The following UNC13C variants were observed in gnomAD, a reference collection of about 807,000 sequenced individuals.
UNC13C encodes unc-13 homolog C.
Under a neutral mutation model 245.4 loss-of-function variants are expected in UNC13C, and 174 were observed. That is an observed-to-expected ratio of 0.71 (90% CI 0.63 to 0.80). The LOEUF is 0.80. Ranked by LOEUF, UNC13C falls within the 30% of genes least tolerant of loss-of-function variation. The probability of loss-of-function intolerance (pLI) is 0.00; values close to 1 mark genes in which losing one functional copy is unlikely to be tolerated. For synonymous variants in UNC13C, 992 were observed against 895.1 expected, an observed-to-expected ratio of 1.11 and a Z score of -1.93; for missense variants, 2,829 against 2,602.9, an observed-to-expected ratio of 1.09 and a Z score of -1.89.
intron 2 of UNC13C, among the ~76,000 whole-genome samples, chr15:54,024,847 G>A (rs1419161755): frequency 5.3e-5 from 8 of 152,154 alleles, no homozygotes; most frequent in Admixed American, 3.9e-4. Context: ...CCCGGGAGGC[G>A]GCGCTTGCAG....
rs895575177 is a variant in UNC13C at position 54,218,446 on chromosome 15, A to G, written c.3072-16584A>G. Among the ~76,000 whole-genome samples the G allele has an allele frequency of 2.1e-4, 32 of 151,968 alleles. 1 individual carries two copies. The highest frequency in any genetic ancestry group is 2.0e-3 in the Admixed American group (31 of 15,214). On this transcript the variant is annotated intron_variant, in intron 4 of 32. Coordinates refer to ENST00000260323, the MANE Select transcript of UNC13C (RefSeq NM_001080534.3). ...AAGTAGGTGTTAGCATTTGCTACTCAGTGAGGAGGCCAGTACCAGTAGAGG... is the reference window on the plus strand; with the variant it reads ...AAGTAGGTGTTAGCATTTGCTACTCGGTGAGGAGGCCAGTACCAGTAGAGG...
intron 19 of UNC13C, among the ~76,000 whole-genome samples, chr15:54,442,924 C>A (rs1463453998): frequency 6.6e-6 from 1 of 151,934 alleles, no homozygotes; most frequent in Non-Finnish European, 1.5e-5. Context: ...GTAATTCTGG[C>A]CCCATAGAAT....
chr15:54,219,196 C>T (rs2035141802), intron 4 of UNC13C, among the ~76,000 whole-genome samples: 1 of 151,952 alleles, frequency 6.6e-6, no homozygotes, highest in African/African-American at 2.4e-5. Flanking sequence ...TGACTTCAAA[C>T]TATACTACAA....
intron 2 of UNC13C, among the ~76,000 whole-genome samples, chr15:54,047,075 T>A (rs925926637): frequency 2.0e-5 from 3 of 152,062 alleles, no homozygotes; most frequent in South Asian, 2.1e-4. Context: ...ATTTATTTTT[T>A]AAAAAGTTAC....
intron 24 of UNC13C, among the ~76,000 whole-genome samples, chr15:54,524,666 A>G (rs532381620): frequency 6.6e-6 from 1 of 152,180 alleles, no homozygotes; most frequent in African/African-American, 2.4e-5. Context: ...ATCGGCTCCC[A>G]GGAGTTTAAA....
chr15:54,092,577 T>C (rs1159729683), intron 2 of UNC13C, among the ~76,000 whole-genome samples: 2 of 152,194 alleles, frequency 1.3e-5, no homozygotes, highest in East Asian at 3.9e-4. Context: ...GGTCTGAACC[T>C]GACAAAATCT....
chr15:54,067,687 C>G (rs1375570607), intron 2 of UNC13C, among the ~76,000 whole-genome samples: 1 of 152,170 alleles, frequency 6.6e-6, no homozygotes, highest in Non-Finnish European at 1.5e-5. Context: ...ATTTGTATCT[C>G]TCTGAAGATG....
At chr15:54,007,570 T>C (rs904281324) in intron 1 of UNC13C, among the ~76,000 whole-genome samples, 2 of 152,102 alleles carry the variant, frequency 1.3e-5, no homozygotes, top group Non-Finnish European at 2.9e-5. Context: ...TGAGGACACG[T>C]GGACTCAGGG....
chr15:54,520,409 T>C (rs1161628383), intron 24 of UNC13C, among the ~76,000 whole-genome samples: 1 of 152,146 alleles, frequency 6.6e-6, no homozygotes, highest in East Asian at 1.9e-4. Flanking sequence ...CTGAAGCATG[T>C]ATGAGCCATC....
chr15:53,934,513 C>G, the UNC13C span, among the ~76,000 whole-genome samples: 1 of 152,142 alleles, frequency 6.6e-6, no homozygotes, highest in Non-Finnish European at 1.5e-5. Context: ...AAGCCAAGTC[C>G]TAGAATAACA....
At chr15:54,205,827 C>T (rs779973430) in intron 4 of UNC13C, among the ~76,000 whole-genome samples, 11 of 152,032 alleles carry the variant, frequency 7.2e-5, no homozygotes, top group East Asian at 3.9e-4. Context: ...TAGGACACAA[C>T]AGTAGTGTGT....
At chr15:54,106,904 G>A (rs2141166726) in intron 2 of UNC13C, among the ~76,000 whole-genome samples, 1 of 152,320 alleles carries the variant, frequency 6.6e-6, no homozygotes, top group East Asian at 1.9e-4. Flanking sequence ...ACAGCCACAT[G>A]GCAGAATACT....
At chr15:53,891,796 G>C in the UNC13C span, among the ~76,000 whole-genome samples, 1 of 152,082 alleles carries the variant, frequency 6.6e-6, no homozygotes, top group Non-Finnish European at 1.5e-5. Flanking sequence ...CACACCGATG[G>C]GTCTTGACTG....
chr15:53,983,504 T>C (rs1894007842), intron 1 of UNC13C, among the ~76,000 whole-genome samples: 1 of 152,112 alleles, frequency 6.6e-6, no homozygotes. Flanking sequence ...CTTGATTCTT[T>C]TTAGAAAATA....
intron 2 of UNC13C, among the ~76,000 whole-genome samples, chr15:54,079,635 G>T (rs540884707): frequency 3.9e-5 from 6 of 151,980 alleles, no homozygotes; most frequent in Admixed American, 6.6e-5. Context: ...TGTATGAAAT[G>T]CAATTGATTT....
At chr15:54,572,993 A>G (rs1022206445) in intron 30 of UNC13C, among the ~76,000 whole-genome samples, 7 of 151,968 alleles carry the variant, frequency 4.6e-5, no homozygotes, top group African/African-American at 7.2e-5. Context: ...AAAAGTAACT[A>G]TTGCATTTAA....
chr15:54,595,688 T>C (rs962731543), intron 30 of UNC13C, among the ~76,000 whole-genome samples: 9 of 152,228 alleles, frequency 5.9e-5, no homozygotes, highest in African/African-American at 9.6e-5. Flanking sequence ...TAAAACTACA[T>C]TGGAAACACA....
intron 30 of UNC13C, among the ~76,000 whole-genome samples, chr15:54,595,364 C>A (rs566276207): frequency 6.6e-6 from 1 of 152,258 alleles, no homozygotes; most frequent in African/African-American, 2.4e-5. Flanking sequence ...CAGAAACTCT[C>A]TTTCCCACAA....
intron 17 of UNC13C, among the ~76,000 whole-genome samples, chr15:54,346,569 T>C (rs1028447560): frequency 6.6e-6 from 1 of 152,222 alleles, no homozygotes; most frequent in Non-Finnish European, 1.5e-5. Flanking sequence ...CAGAGGGATT[T>C]TGAAGAACCA....
Sources: gnomAD v4.1 joint callset for allele counts (sites outside exome capture counted in the v4.1 genomes callset) on GRCh38, gnomAD v4.1.1 for gene constraint, MANE v1.5 for transcripts, NCBI Gene and HGNC (gene_info 2026-07-23, HGNC 2026-07-21) for gene names.